Variants in ADAMTS6 observed in about 807,000 individuals in gnomAD.
The protein encoded by ADAMTS6 is A disintegrin and metalloproteinase with thrombospondin motifs 6.
ADAMTS6 carries 23 observed loss-of-function variants against 144.3 expected under a neutral mutation model. The observed-to-expected ratio is 0.16, with a 90% CI of 0.11 to 0.23. ADAMTS6 has a LOEUF of 0.23. Ranked by LOEUF, ADAMTS6 falls within the 10% of genes least tolerant of loss-of-function variation. The pLI is 1.00. For missense variants in ADAMTS6, 999 were observed against 1,379.6 expected, an observed-to-expected ratio of 0.72 and a Z score of 4.37; for synonymous variants, 444 against 457.5, an observed-to-expected ratio of 0.97 and a Z score of 0.38.
At chr5:65,394,019 T>G (rs74350962) in intron 7 of ADAMTS6, among the ~76,000 whole-genome samples, 2,451 of 152,254 alleles carry the variant, frequency 0.016, 67 homozygotes, top group African/African-American at 0.056. Flanking sequence ...AGTTAATCAT[T>G]CATGTGGCAA....
rs559311152 is a variant in ADAMTS6 at position 65,313,256 on chromosome 5, T to C, written c.1224-13125A>G. Among the ~76,000 whole-genome samples the C allele has an allele frequency of 9.2e-5, 14 of 151,940 alleles. No individual in the cohort carries two copies. The South Asian group carries it at 2.9e-3, about 32-fold the overall frequency. On this transcript the variant is annotated intron_variant, in intron 9 of 24. Transcript: ENST00000381055. ...TTACCTATTTTTTGGCATTAGTCCA[T>C]ACTATGGCAAAAGCCTAATTATTGA...
chr5:65,205,945 C>A (rs1289535768), intron 20 of ADAMTS6, among the ~76,000 whole-genome samples: 1 of 152,176 alleles, frequency 6.6e-6, no homozygotes, highest in Non-Finnish European at 1.5e-5. Context: ...AACCTCTAGT[C>A]TCTTAGCTAG....
At chr5:65,294,351 C>T (rs1260153296) in intron 10 of ADAMTS6, among the ~76,000 whole-genome samples, 1 of 152,126 alleles carries the variant, frequency 6.6e-6, no homozygotes, top group African/African-American at 2.4e-5. Flanking sequence ...TCCGGAGGAG[C>T]TGGGACCAGA....
chr5:65,204,428 T>A (rs1755944111), intron 20 of ADAMTS6, among the ~76,000 whole-genome samples: 1 of 152,082 alleles, frequency 6.6e-6, no homozygotes, highest in Non-Finnish European at 1.5e-5. Context: ...ACTAACCCAG[T>A]AAGGTTAATG....
chr5:65,413,291 T>G lies in ADAMTS6; in HGVS notation c.1073+38184A>C, dbSNP rs184932924. On this transcript the variant is annotated intron_variant, in intron 7 of 24. Transcript: ENST00000381055. Reference sequence around the variant, plus strand: ...TCAAGAAAGTGAATAAATGAAAACTTGGCATGATACCTACGCAAGATTGCA... The same window carrying G: ...TCAAGAAAGTGAATAAATGAAAACTGGGCATGATACCTACGCAAGATTGCA... Among the ~76,000 whole-genome samples, 30 of 152,282 alleles carry G rather than the reference T, an allele frequency of 2.0e-4. 1 individual carries two copies. The East Asian group carries it at 4.6e-3, about 24-fold the overall frequency.
intron 16 of ADAMTS6, among the ~76,000 whole-genome samples, chr5:65,225,480 T>C (rs1757660127): frequency 6.6e-6 from 1 of 152,202 alleles, no homozygotes; most frequent in Admixed American, 6.5e-5. Flanking sequence ...TTTATGAAAA[T>C]AGTGGTTTTT....
intron 7 of ADAMTS6, among the ~76,000 whole-genome samples, chr5:65,403,880 T>G (rs1355558769): frequency 6.6e-6 from 1 of 152,038 alleles, no homozygotes; most frequent in African/African-American, 2.4e-5. Context: ...TGTAACCTCT[T>G]CAGAAGAGAA....
In ADAMTS6 at chr5:65,225,334, T is replaced by A. The variant is rs151026569; in HGVS notation, c.2068-287A>T. Reference sequence around the variant, plus strand: ...ATCATCAGATATATTTGCAGACAAGTAGCCAGAAGGATAGAAACTTTTCCA... The same window carrying A: ...ATCATCAGATATATTTGCAGACAAGAAGCCAGAAGGATAGAAACTTTTCCA... On this transcript the variant is annotated intron_variant, in intron 16 of 24. Transcript: ENST00000381055. Among the ~76,000 whole-genome samples, 513 of 152,330 alleles carry A rather than the reference T, an allele frequency of 3.4e-3. 4 individuals are homozygous for A. The highest frequency in any genetic ancestry group is 0.012 in the African/African-American group (491 of 41,572).
At chr5:65,476,861 C>G (rs1014399545) in intron 1 of ADAMTS6, among the ~76,000 whole-genome samples, 3 of 152,152 alleles carry the variant, frequency 2.0e-5, no homozygotes, top group Non-Finnish European at 4.4e-5. Context: ...GATCCGCCAG[C>G]CTCAGCCTCC....
In ADAMTS6 at chr5:65,202,989, A is replaced by G. The variant is rs556340063; in HGVS notation, c.2576-5838T>C. The stretch of plus-strand genomic sequence containing the variant: ...TCTTCCTCCACATTTCAATTGTTCA[A>G]CATTTTTTTCCACCAATTCTCTCTC... On this transcript the variant is annotated intron_variant, in intron 20 of 24. Transcript: ENST00000381055. 1.7e-4 allele frequency among the ~76,000 whole-genome samples: 26 copies of G among 152,274 alleles called. No individual in the cohort carries two copies. The South Asian group carries it at 5.0e-3, about 29-fold the overall frequency.
chr5:65,465,355 A>G (rs376210984), intron 3 of ADAMTS6, among the ~76,000 whole-genome samples: 3 of 152,280 alleles, frequency 2.0e-5, no homozygotes, highest in African/African-American at 7.2e-5. Flanking sequence ...TGGATGAACT[A>G]TCTATTCCCC....
chr5:65,154,324 T>G (rs1311054769), intron 24 of ADAMTS6, among the ~76,000 whole-genome samples: 1 of 152,266 alleles, frequency 6.6e-6, no homozygotes, highest in Non-Finnish European at 1.5e-5. Context: ...CACAGCCTTT[T>G]GTTCAGAGGC....
In ADAMTS6 at chr5:65,223,103, T is replaced by C. The variant is rs145221494; in HGVS notation, c.2272+1217A>G. 9.8e-4 allele frequency among the ~76,000 whole-genome samples: 150 copies of C among 152,290 alleles called. 1 individual carries two copies. Among genetic ancestry groups the C allele is most frequent in the African/African-American group, 3.4e-3 (143 of 41,574 alleles). ...ACAATACCAAGTATTGACAAGGATG[T>C]AGAGCAGCTGGAACTCTTCTATATT... On this transcript the variant is annotated intron_variant, in intron 18 of 24. Coordinates refer to ENST00000381055, the MANE Select transcript of ADAMTS6 (RefSeq NM_197941.4).
chr5:65,480,350 G>A (rs1470020550), intron 1 of ADAMTS6, among the ~76,000 whole-genome samples: 2 of 150,640 alleles, frequency 1.3e-5, no homozygotes, highest in Non-Finnish European at 2.9e-5. Flanking sequence ...CCCAGACAGA[G>A]GGTAACAGTC....
chr5:65,426,453 GA>G (rs1756545896), intron 7 of ADAMTS6, among the ~76,000 whole-genome samples: 1 of 151,536 alleles, frequency 6.6e-6, no homozygotes, highest in Non-Finnish European at 1.5e-5. Context: ...TTACATAGGG[GA>G]ACTGGACACT....
At chr5:65,401,942 T>C (rs1356038079) in intron 7 of ADAMTS6, among the ~76,000 whole-genome samples, 1 of 152,124 alleles carries the variant, frequency 6.6e-6, no homozygotes, top group Non-Finnish European at 1.5e-5. Flanking sequence ...ATGTCGTAAC[T>C]CTCAATGATT....
At chr5:65,293,439 G>A (rs1742520501) in intron 10 of ADAMTS6, among the ~76,000 whole-genome samples, 1 of 151,996 alleles carries the variant, frequency 6.6e-6, no homozygotes, top group African/African-American at 2.4e-5. Context: ...AGCTTTTGGT[G>A]ACACCAACTT....
At chr5:65,364,422 C>G (rs951058328) in intron 7 of ADAMTS6, among the ~76,000 whole-genome samples, 22 of 152,136 alleles carry the variant, frequency 1.4e-4, no homozygotes, top group Admixed American at 3.3e-4. Context: ...TGTTGCACAA[C>G]ACCAGAGGAT....
chr5:65,391,063 G>A (rs1262406297), intron 7 of ADAMTS6, among the ~76,000 whole-genome samples: 1 of 151,456 alleles, frequency 6.6e-6, no homozygotes, highest in Non-Finnish European at 1.5e-5. Context: ...TGAGACTATA[G>A]GCACACACCA....
Sources: allele counts gnomAD v4.1 joint callset (sites outside exome capture counted in the v4.1 genomes callset), GRCh38; gene constraint gnomAD v4.1.1; transcripts MANE v1.5; gene names NCBI Gene and HGNC (gene_info 2026-07-23, HGNC 2026-07-21).